SCLT1: variants seen among roughly 807,000 people sequenced by gnomAD.
SCLT1 encodes the protein sodium channel-associated protein 1.
A neutral mutation model predicts 112.8 loss-of-function variants in SCLT1; 78 were observed. The observed-to-expected ratio is 0.69, with a 90% CI of 0.58 to 0.83. The LOEUF (loss-of-function observed/expected upper bound fraction) is 0.83, where lower values mean the gene tolerates loss of function less well. Ranked by LOEUF, SCLT1 falls within the 40% of genes least tolerant of loss-of-function variation. The probability of loss-of-function intolerance (pLI) is 0.00; values close to 1 mark genes in which losing one functional copy is unlikely to be tolerated. For missense variants in SCLT1, 747 were observed against 770.4 expected (o/e 0.97, Z 0.36); for synonymous variants, 257 against 254.7 (o/e 1.01, Z -0.09).
At chr4:129,023,843 C>A (rs527422615) in intron 5 of SCLT1, among the ~76,000 whole-genome samples, 15 of 152,306 alleles carry the variant, frequency 9.8e-5, no homozygotes, top group Non-Finnish European at 2.2e-4. Context: ...CCTAATACTG[C>A]GCTTTTCCGA....
At chr4:128,925,368 A>T (rs1195541003) in intron 18 of SCLT1, among the ~76,000 whole-genome samples, 3 of 151,496 alleles carry the variant, frequency 2.0e-5, no homozygotes, top group African/African-American at 7.3e-5. Context: ...TTGGAGCTGG[A>T]GTCTCACTCT....
At chr4:128,973,155 C>A (rs1167230310) in intron 9 of SCLT1, among the ~76,000 whole-genome samples, 1 of 152,078 alleles carries the variant, frequency 6.6e-6, no homozygotes, top group Non-Finnish European at 1.5e-5. Context: ...CAAGTCTTCA[C>A]TAACTTCTCC....
intron 8 of SCLT1, among the ~76,000 whole-genome samples, chr4:128,993,563 G>C (rs563886188): frequency 6.6e-6 from 1 of 151,926 alleles, no homozygotes; most frequent in Non-Finnish European, 1.5e-5. Flanking sequence ...TAAGAGCTCC[G>C]CAACTGCATC....
chr4:129,027,639 C>A (rs1342337043), intron 5 of SCLT1, among the ~76,000 whole-genome samples: 1 of 152,048 alleles, frequency 6.6e-6, no homozygotes, highest in Non-Finnish European at 1.5e-5. Flanking sequence ...TCCTCTCTCA[C>A]CACTCCTATT....
chr4:128,932,480 T>C (rs1736854776), intron 18 of SCLT1, among the ~76,000 whole-genome samples: 1 of 152,142 alleles, frequency 6.6e-6, no homozygotes, highest in African/African-American at 2.4e-5. Flanking sequence ...CAATAAATGG[T>C]ATATATGACA....
chr4:128,983,073 A>G (rs1263820387), intron 9 of SCLT1, among the ~76,000 whole-genome samples: 1 of 151,670 alleles, frequency 6.6e-6, no homozygotes, highest in African/African-American at 2.4e-5. Flanking sequence ...TTTTTAGTAG[A>G]GATGGGGTTT....
At chr4:129,013,127 C>T (rs762459025) in intron 5 of SCLT1, among the ~76,000 whole-genome samples, 2 of 152,094 alleles carry the variant, frequency 1.3e-5, no homozygotes, top group African/African-American at 2.4e-5. Flanking sequence ...CTTTTCTGCT[C>T]CTCTCCCTCC....
Position 129,054,397 on chromosome 4 carries a change from A to G in SCLT1, c.103-10346T>C, listed in dbSNP as rs187645687. ...ACTTTCAGGTACACCAATCAAACGTAGATTTGGCCTTTTCACATAGTCCCA... is the reference window on the plus strand; with the variant it reads ...ACTTTCAGGTACACCAATCAAACGTGGATTTGGCCTTTTCACATAGTCCCA... On this transcript the variant is annotated intron_variant, in intron 2 of 20. Coordinates refer to ENST00000281142, the MANE Select transcript of SCLT1 (RefSeq NM_144643.4). 4.8e-3 allele frequency among the ~76,000 whole-genome samples: 732 copies of G among 152,202 alleles called. 6 individuals carry two copies. Among genetic ancestry groups the G allele is most frequent in the African/African-American group, 0.017 (695 of 41,514 alleles).
intron 11 of SCLT1, among the ~76,000 whole-genome samples, chr4:128,963,030 G>A (rs779805757): frequency 1.1e-4 from 16 of 152,150 alleles, no homozygotes; most frequent in African/African-American, 3.4e-4. Context: ...AGTAATGAAT[G>A]ATATATAAAT....
chr4:128,946,025 A>G lies in SCLT1; in HGVS notation c.1421T>C (p.Ile474Thr), dbSNP rs747582277. The G allele has an allele frequency of 4.4e-6, 7 of 1,608,550 alleles. No individual in the cohort carries two copies. The Admixed American group carries it at 1.0e-4, about 23-fold the overall frequency. Reference sequence around the variant, plus strand: ...AACTTACTCAGTTTCAAGTTGTTTTATTCTATTTTCTGCTCTCGTAAGTCT... The same window carrying G: ...AACTTACTCAGTTTCAAGTTGTTTTGTTCTATTTTCTGCTCTCGTAAGTCT... ...QLRLTRAENR[I>T]KQLETDSSEE... Residue 474 changes from isoleucine (I) to threonine (T), a missense_variant, in exon 16 of 21, where the codon ATA (isoleucine) becomes ACA (threonine). By Grantham distance (89) the Ile-to-Thr change is moderately conservative. Transcript: ENST00000281142.
chr4:129,081,250 C>T (rs1446782797), intron 2 of SCLT1, among the ~76,000 whole-genome samples: 2 of 152,184 alleles, frequency 1.3e-5, no homozygotes, highest in Non-Finnish European at 2.9e-5. Context: ...TCATCCCTTC[C>T]TACCCCTCCC....
At chr4:128,991,855 G>A (rs1422690821) in intron 9 of SCLT1, among the ~76,000 whole-genome samples, 1 of 151,600 alleles carries the variant, frequency 6.6e-6, no homozygotes, top group Non-Finnish European at 1.5e-5. Flanking sequence ...ATTATACTAG[G>A]TATTATAAGT....
At chr4:128,960,266 CAT>C (rs556161334) in intron 11 of SCLT1, among the ~76,000 whole-genome samples, 62 of 151,238 alleles carry the variant, frequency 4.1e-4, no homozygotes, top group African/African-American at 1.3e-3. Context: ...ATCATATGTA[CAT>C]ATATATATAT....
chr4:128,895,264 C>T (rs1733651135), intron 18 of SCLT1, among the ~76,000 whole-genome samples: 2 of 152,150 alleles, frequency 1.3e-5, no homozygotes, highest in Non-Finnish European at 2.9e-5. Context: ...TTCCAAAACA[C>T]CACTTTAATA....
intron 10 of SCLT1, among the ~76,000 whole-genome samples, chr4:128,968,919 C>T (rs551860266): frequency 2.1e-4 from 32 of 152,288 alleles, no homozygotes; most frequent in Admixed American, 5.2e-4. Context: ...GTGGTTCCCT[C>T]GCTTCTACAG....
At chr4:128,998,839 T>A (rs1743225169) in intron 7 of SCLT1, among the ~76,000 whole-genome samples, 1 of 151,814 alleles carries the variant, frequency 6.6e-6, no homozygotes, top group Non-Finnish European at 1.5e-5. Flanking sequence ...ATTACAATAA[T>A]AGGAATATTC....
chr4:129,044,118 A>T, intron 2 of SCLT1, 67 bp from the exon 3 acceptor site: 1 of 762,556 alleles, frequency 1.3e-6, no homozygotes, highest in Non-Finnish European at 2.3e-6. Context: ...TAGTGATATA[A>T]TATTAAATGC....
chr4:128,999,238 C>A (rs1010082530), intron 7 of SCLT1, among the ~76,000 whole-genome samples: 1 of 151,956 alleles, frequency 6.6e-6, no homozygotes, highest in Non-Finnish European at 1.5e-5. Context: ...ATTTTAGTAA[C>A]AGGTCACATT....
intron 8 of SCLT1, among the ~76,000 whole-genome samples, chr4:128,993,585 T>C (rs1370984499): frequency 2.0e-5 from 3 of 152,060 alleles, no homozygotes; most frequent in Admixed American, 6.6e-5. Context: ...GAATATGGCA[T>C]TGTTGTTCTA....
Sources: gnomAD v4.1 joint callset for allele counts (sites outside exome capture counted in the v4.1 genomes callset) on GRCh38, gnomAD v4.1.1 for gene constraint, MANE v1.5 for transcripts, NCBI Gene and HGNC (gene_info 2026-07-23, HGNC 2026-07-21) for gene names.